MYOM2: variants seen among roughly 807,000 people sequenced by gnomAD.
The protein encoded by MYOM2 is myomesin 2, also known as myomesin-2.
Under a neutral mutation model 187.6 loss-of-function variants are expected in MYOM2, and 254 were observed. The ratio of observed to expected loss-of-function variants is 1.35; its 90% CI spans 1.22 to 1.50. The LOEUF is 1.50. MYOM2 is among the 40% of genes most tolerant of loss of function. The probability of loss-of-function intolerance (pLI) is 0.00; values close to 1 mark genes in which losing one functional copy is unlikely to be tolerated. For missense variants in MYOM2, 2,796 were observed against 1,924.0 expected, an observed-to-expected ratio of 1.45 and a Z score of -8.48; for synonymous variants, 981 against 753.8, an observed-to-expected ratio of 1.30 and a Z score of -4.94.
chr8:2,067,580 C>T (rs3779855), intron 6 of MYOM2, among the ~76,000 whole-genome samples: 21,878 of 152,022 alleles, frequency 0.14, 1,745 homozygotes, highest in East Asian at 0.23. Context: ...CTGATCTTAG[C>T]GCCTCTTCCT....
intron 28 of MYOM2, among the ~76,000 whole-genome samples, chr8:2,121,051 G>C (rs1005475560): frequency 7.9e-5 from 12 of 152,042 alleles, no homozygotes; most frequent in Non-Finnish European, 1.6e-4. Context: ...CAAATGAAAA[G>C]CATAATGGAC....
In MYOM2 at chr8:2,076,165, C is replaced by G. The variant is rs138100876; in HGVS notation, c.1145C>G (p.Ala382Gly). The G allele has an allele frequency of 6.2e-7, 1 of 1,612,132 alleles. No individual in the cohort carries two copies. Among genetic ancestry groups the G allele is most frequent in the Non-Finnish European group, 8.5e-7 (1 of 1,179,470 alleles). ...VRDADPLVTG[A>G]PGAPMDLQCH... Reference sequence around the variant, plus strand: ...GATGCTGACCCGCTGGTCACAGGGGCCCCCGGTGCACCCATGGACTTGCAG... The same window carrying G: ...GATGCTGACCCGCTGGTCACAGGGGGCCCCGGTGCACCCATGGACTTGCAG... The change falls in exon 11 of 37, where the codon GCC becomes GGC. Residue 382 changes from alanine to glycine, a missense_variant. Ala to Gly is a moderately conservative substitution (Grantham distance 60). Coordinates refer to ENST00000262113, the MANE Select transcript of MYOM2 (RefSeq NM_003970.4).
At chr8:2,088,010 A>G (rs1238762400) in intron 14 of MYOM2, among the ~76,000 whole-genome samples, 2 of 152,190 alleles carry the variant, frequency 1.3e-5, no homozygotes, top group African/African-American at 4.8e-5. Context: ...ACCTGCTGTC[A>G]GTATTGATGA....
intron 3 of MYOM2, among the ~76,000 whole-genome samples, chr8:2,052,901 A>C (rs142363136): frequency 2.0e-5 from 3 of 152,226 alleles, no homozygotes; most frequent in Non-Finnish European, 2.9e-5. Context: ...ATTTCAACAG[A>C]GGCAGCTCGT....
At position 2,109,395 on chromosome 8, in the gene MYOM2, C is replaced by T. The variant is rs760681285; in HGVS notation, c.3044C>T (p.Thr1015Ile). 3 of 1,601,582 alleles carry T rather than the reference C, an allele frequency of 1.9e-6. No homozygotes were observed. Among genetic ancestry groups the T allele is most frequent in the African/African-American group, 2.7e-5 (2 of 74,186 alleles). The change falls in exon 25 of 37, where the codon ACA becomes ATA. Residue 1015 changes from threonine to isoleucine, a missense_variant and splice_region_variant. By Grantham distance (89) the Thr-to-Ile change is moderately conservative (BLOSUM62 -1). Coordinates refer to ENST00000262113, the MANE Select transcript of MYOM2 (RefSeq NM_003970.4). Reference sequence around the variant, plus strand: ...CTTGCGATTTCTTTTCTTCCTGTAGCAATTCCTCTGAAATCGGAATTAGCT... The same window carrying T: ...CTTGCGATTTCTTTTCTTCCTGTAGTAATTCCTCTGAAATCGGAATTAGCT... ...MALSNEIKNP[T>I]IPLKSELAYE...
chr8:2,060,997 A>C (rs1049259434), intron 6 of MYOM2, among the ~76,000 whole-genome samples: 2 of 152,070 alleles, frequency 1.3e-5, no homozygotes, highest in African/African-American at 4.8e-5. Flanking sequence ...CCTCCCCAGC[A>C]GGGTTCTGGC....
intron 21 of MYOM2, among the ~76,000 whole-genome samples, chr8:2,104,472 T>G (rs12550521): frequency 0.52 from 78,532 of 151,666 alleles, 20,786 homozygotes; most frequent in Admixed American, 0.61. Context: ...GGGCATGGTG[T>G]TGGGCGCCTG....
intron 23 of MYOM2, among the ~76,000 whole-genome samples, chr8:2,106,822 A>G (rs974246698): frequency 6.6e-6 from 1 of 151,480 alleles, no homozygotes; most frequent in Non-Finnish European, 1.5e-5. Context: ...TATTGCTTGT[A>G]TAGCCTTCAA....
At chr8:2,103,671 G>A (rs1039206555) in intron 21 of MYOM2, among the ~76,000 whole-genome samples, 37 of 151,014 alleles carry the variant, frequency 2.5e-4, no homozygotes, top group African/African-American at 9.0e-4. Flanking sequence ...GTGTATGTAT[G>A]TAGAGGTATA....
chr8:2,143,930 A>G (rs372075897), intron 36 of MYOM2, among the ~76,000 whole-genome samples: 23 of 152,252 alleles, frequency 1.5e-4, no homozygotes, highest in African/African-American at 5.1e-4. Context: ...TGTGGAACAC[A>G]TCGTGGAAGC....
Position 2,057,657 on chromosome 8 carries a change from T to G in MYOM2, c.437T>G (p.Phe146Cys). The G allele has an allele frequency of 6.2e-7, 1 of 1,614,114 alleles. No homozygotes were observed. Among genetic ancestry groups the G allele is most frequent in the South Asian group, 1.1e-5 (1 of 91,066 alleles). ...AAGCTGGCCTGGGAGAGACACACATTTGAAGAGCGGATAAGCAGGGCTCCT... is the reference window on the plus strand; with the variant it reads ...AAGCTGGCCTGGGAGAGACACACATGTGAAGAGCGGATAAGCAGGGCTCCT... ...EDKLAWERHT[F>C]EERISRAPEI... Residue 146 changes from phenylalanine (F) to cysteine (C), a missense_variant, in exon 5 of 37, where the codon TTT becomes TGT. Coordinates refer to ENST00000262113, the MANE Select transcript of MYOM2 (RefSeq NM_003970.4).
intron 36 of MYOM2, among the ~76,000 whole-genome samples, 182 bp downstream of exon 36, chr8:2,143,638 T>C (rs998096241): frequency 1.3e-5 from 2 of 152,192 alleles, no homozygotes; most frequent in African/African-American, 2.4e-5. Context: ...ATAGCCCCTG[T>C]ATTCTCAAAG....
At chr8:2,126,386 TCA>T (rs1797635348) in intron 31 of MYOM2, among the ~76,000 whole-genome samples, 3 of 151,688 alleles carry the variant, frequency 2.0e-5, no homozygotes, top group Admixed American at 1.3e-4. Context: ...ATCCCCACAC[TCA>T]CACAGCAGTC....
chr8:2,048,923 G>C (rs1818394226), intron 1 of MYOM2, among the ~76,000 whole-genome samples: 1 of 151,824 alleles, frequency 6.6e-6, no homozygotes, highest in Non-Finnish European at 1.5e-5. Context: ...CCGAGTAGCT[G>C]GGACTACAGG....
intron 32 of MYOM2, among the ~76,000 whole-genome samples, chr8:2,136,663 G>A (rs772491524): frequency 3.3e-5 from 5 of 152,152 alleles, no homozygotes; most frequent in African/African-American, 7.2e-5. Context: ...CTGCCCAGCC[G>A]GTGTGTCCAA....
chr8:2,073,315 C>G (rs980853165), intron 9 of MYOM2, 24 bp from the exon 10 acceptor site: 1 of 1,585,752 alleles, frequency 6.3e-7, no homozygotes, highest in Non-Finnish European at 8.6e-7. Flanking sequence ...TGGATGCAAA[C>G]CTTCCGTGTT....
At position 2,085,356 on chromosome 8, in the gene MYOM2, G is replaced by C; in HGVS notation, c.1610G>C (p.Arg537Pro). ...CTCAGCTGGGAGCCACCCACTCCCC[G>C]TGGCAAGGACCCGCTCATGTACTTC... ...VVLSWEPPTPRGKDPLMYFIE... is the reference protein window; with the variant it reads ...VVLSWEPPTPPGKDPLMYFIE... The change falls in exon 14 of 37, where the codon CGT becomes CCT. Residue 537 changes from arginine to proline, a missense_variant. Coordinates refer to ENST00000262113, the MANE Select transcript of MYOM2 (RefSeq NM_003970.4). 3 of 1,613,592 alleles carry C rather than the reference G, an allele frequency of 1.9e-6. No homozygotes were observed. In the South Asian group the frequency reaches 3.3e-5, roughly 18 times the overall value.
intron 36 of MYOM2, among the ~76,000 whole-genome samples, chr8:2,143,755 C>T (rs1344390734): frequency 1.3e-5 from 2 of 152,214 alleles, no homozygotes; most frequent in African/African-American, 4.8e-5. Flanking sequence ...GTTTCTATGC[C>T]CCTGTGGCCA....
chr8:2,068,293 G>T (rs1266239033), intron 6 of MYOM2, among the ~76,000 whole-genome samples: 1 of 151,288 alleles, frequency 6.6e-6, no homozygotes, highest in Non-Finnish European at 1.5e-5. Context: ...AGCATCCTGG[G>T]CACAGCTCTT....
Sources: gnomAD v4.1 joint callset for allele counts (sites outside exome capture counted in the v4.1 genomes callset) on GRCh38, gnomAD v4.1.1 for gene constraint, MANE v1.5 for transcripts, NCBI Gene and HGNC (gene_info 2026-07-23, HGNC 2026-07-21) for gene names.